Variants in NCAM1 observed in about 807,000 individuals in gnomAD.
NCAM1 encodes the protein neural cell adhesion molecule 1, also known as antigen recognized by monoclonal antibody 5.1H11.
NCAM1 carries 14 observed loss-of-function variants against 109.8 expected under a neutral mutation model. That is an observed-to-expected ratio of 0.13 (90% CI 0.08 to 0.20). The LOEUF (loss-of-function observed/expected upper bound fraction) is 0.20. NCAM1 is among the 10% of genes least tolerant of loss of function. The pLI, the probability that NCAM1 is intolerant of heterozygous loss-of-function variation, is 1.00. For missense variants in NCAM1, 774 were observed against 1,109.9 expected, an observed-to-expected ratio of 0.70 and a Z score of 4.30; for synonymous variants, 418 against 442.9, an observed-to-expected ratio of 0.94 and a Z score of 0.70.
intron 1 of NCAM1, among the ~76,000 whole-genome samples, chr11:113,180,466 A>G (rs1943296472): frequency 6.6e-6 from 1 of 152,234 alleles, no homozygotes. Context: ...TCTTAGCATG[A>G]CACTTGATAC....
At chr11:112,999,626 C>T (rs782139795) in intron 1 of NCAM1, among the ~76,000 whole-genome samples, 1 of 151,822 alleles carries the variant, frequency 6.6e-6, no homozygotes, top group African/African-American at 2.4e-5. Flanking sequence ...TAAGAGGAAA[C>T]CAGGTCCCAC....
At chr11:113,095,493 A>G (rs1591320271) in intron 1 of NCAM1, among the ~76,000 whole-genome samples, 2 of 152,338 alleles carry the variant, frequency 1.3e-5, no homozygotes, top group East Asian at 3.9e-4. Context: ...CAGGCAGCCC[A>G]TATTCAGGCC....
At position 113,072,492 on chromosome 11, in the gene NCAM1, G is replaced by GA. The variant is rs546817353; in HGVS notation, c.52+110837dup. ...GTGGTGCTTGGGATAACTAGAGAGAGAAAAAAAAAGCCAAATAAATCTAGA... is the reference window on the plus strand; with the variant it reads ...GTGGTGCTTGGGATAACTAGAGAGAGAAAAAAAAAAGCCAAATAAATCTAGA... On this transcript the variant is annotated intron_variant, in intron 1 of 19. Coordinates refer to ENST00000316851, the MANE Select transcript of NCAM1 (RefSeq NM_181351.5). Among the ~76,000 whole-genome samples, 1,204 of 150,924 alleles carry GA rather than the reference G, an allele frequency of 8.0e-3. 16 individuals are homozygous for GA. The highest frequency in any genetic ancestry group is 0.027 in the African/African-American group (1,124 of 41,162).
chr11:112,994,594 G>A (rs967181780), intron 1 of NCAM1, among the ~76,000 whole-genome samples: 1 of 152,154 alleles, frequency 6.6e-6, no homozygotes, highest in Admixed American at 6.5e-5. Flanking sequence ...GGACAATGGG[G>A]AAGAGGAGTC....
At chr11:113,165,081 T>C (rs758776039) in intron 1 of NCAM1, among the ~76,000 whole-genome samples, 2 of 152,150 alleles carry the variant, frequency 1.3e-5, no homozygotes, top group Non-Finnish European at 2.9e-5. Context: ...TGTCTGCTCA[T>C]TGGCAGCAAG....
At chr11:113,117,275 C>T (rs1424114150) in intron 1 of NCAM1, among the ~76,000 whole-genome samples, 1 of 152,022 alleles carries the variant, frequency 6.6e-6, no homozygotes, top group Non-Finnish European at 1.5e-5. Context: ...AAGTTATTCA[C>T]AATTTAGTGT....
At chr11:113,003,212 G>T (rs1951803328) in intron 1 of NCAM1, among the ~76,000 whole-genome samples, 1 of 152,188 alleles carries the variant, frequency 6.6e-6, no homozygotes, top group South Asian at 2.1e-4. Context: ...CTCTTTATGT[G>T]TCTCTCTCTC....
intron 1 of NCAM1, among the ~76,000 whole-genome samples, chr11:112,974,183 G>T (rs936867662): frequency 6.6e-6 from 1 of 152,052 alleles, no homozygotes; most frequent in Non-Finnish European, 1.5e-5. Context: ...ACGGAAAGAG[G>T]CCTCTGAAGA....
At chr11:113,142,676 G>T (rs1286671912) in intron 1 of NCAM1, among the ~76,000 whole-genome samples, 1 of 152,112 alleles carries the variant, frequency 6.6e-6, no homozygotes, top group African/African-American at 2.4e-5. Context: ...TATCTGTGCT[G>T]GTTGGAGAAT....
At chr11:113,221,373 C>A (rs782313367) in intron 9 of NCAM1, 48 bp downstream of exon 9, 5 of 1,537,508 alleles carry the variant, frequency 3.3e-6, no homozygotes, top group Non-Finnish European at 4.4e-6. Context: ...GAAAGCATTA[C>A]AGTTTAACTC....
intron 1 of NCAM1, among the ~76,000 whole-genome samples, chr11:113,050,001 G>C (rs1953410086): frequency 6.6e-6 from 1 of 152,104 alleles, no homozygotes; most frequent in African/African-American, 2.4e-5. Context: ...ATGCCTTGGA[G>C]AAAGTCTGAA....
At chr11:113,093,440 A>G (rs546450702) in intron 1 of NCAM1, among the ~76,000 whole-genome samples, 1 of 151,770 alleles carries the variant, frequency 6.6e-6, no homozygotes, top group Admixed American at 6.6e-5. Flanking sequence ...TTTTCATTTT[A>G]TTCTCAAACG....
chr11:112,966,832 C>T (rs1305081362), intron 1 of NCAM1, among the ~76,000 whole-genome samples: 1 of 152,204 alleles, frequency 6.6e-6, no homozygotes, highest in African/African-American at 2.4e-5. Flanking sequence ...CATGCAGCCA[C>T]TGAGTTAACG....
intron 14 of NCAM1, among the ~76,000 whole-genome samples, chr11:113,237,973 T>C (rs1333016412): frequency 6.7e-6 from 1 of 148,260 alleles, no homozygotes; most frequent in Non-Finnish European, 1.5e-5. Context: ...TAGATAGATA[T>C]AGATATATAT....
At chr11:113,054,768 A>G (rs782008159) in intron 1 of NCAM1, among the ~76,000 whole-genome samples, 5 of 152,052 alleles carry the variant, frequency 3.3e-5, no homozygotes, top group South Asian at 4.1e-4. Context: ...CTTATCTACA[A>G]TGTTGCTTGA....
chr11:113,119,648 A>G (rs1448168782), intron 1 of NCAM1, among the ~76,000 whole-genome samples: 1 of 152,138 alleles, frequency 6.6e-6, no homozygotes, highest in Non-Finnish European at 1.5e-5. Context: ...AAAATAAATT[A>G]TTCTCTAGGG....
At chr11:112,997,120 T>TG (rs1555071559) in intron 1 of NCAM1, among the ~76,000 whole-genome samples, 2 of 151,800 alleles carry the variant, frequency 1.3e-5, no homozygotes, top group African/African-American at 4.8e-5. Flanking sequence ...CAGGGTTCAC[T>TG]CCCTTTCCTG....
At chr11:113,230,337 A>G (rs894611188) in intron 9 of NCAM1, among the ~76,000 whole-genome samples, 6 of 152,200 alleles carry the variant, frequency 3.9e-5, no homozygotes, top group Non-Finnish European at 8.8e-5. Flanking sequence ...ACTTGCAGAA[A>G]TGGGCAGCCA....
At chr11:113,223,116 C>A (rs1265021417) in intron 9 of NCAM1, among the ~76,000 whole-genome samples, 5 of 152,178 alleles carry the variant, frequency 3.3e-5, no homozygotes, top group Admixed American at 1.3e-4. Flanking sequence ...TTCTTGCCAT[C>A]AATATCTTTT....
Sources: gnomAD v4.1 joint callset for allele counts (sites outside exome capture counted in the v4.1 genomes callset) on GRCh38, gnomAD v4.1.1 for gene constraint, MANE v1.5 for transcripts, NCBI Gene and HGNC (gene_info 2026-07-23, HGNC 2026-07-21) for gene names.